WDFY3: variants seen among roughly 807,000 people sequenced by gnomAD.
The protein encoded by WDFY3 is WD repeat and FYVE domain-containing protein 3.
In WDFY3, 66 loss-of-function variants were observed where a neutral mutation model predicts 409.6. That is an observed-to-expected ratio of 0.16 (90% confidence interval 0.13 to 0.20). The LOEUF is 0.20. Among genes scored for constraint, WDFY3 ranks in the 10% least tolerant of loss-of-function variants. WDFY3 has a pLI of 1.00. For synonymous variants in WDFY3, 1,521 were observed against 1,537.1 expected (o/e 0.99, Z 0.25); for missense variants, 3,031 against 4,298.1 (o/e 0.71, Z 8.24).
At chr4:84,801,542 C>T (rs1750565710) in intron 17 of WDFY3, 108 bp downstream of exon 17, 5 of 1,180,678 alleles carry the variant, frequency 4.2e-6, no homozygotes, top group Non-Finnish European at 4.6e-6. Context: ...ATATTTTGCC[C>T]ATAGATAACT....
chr4:84,930,776 A>AG (rs774156060), intron 2 of WDFY3, among the ~76,000 whole-genome samples: 10 of 152,202 alleles, frequency 6.6e-5, no homozygotes, highest in Non-Finnish European at 1.5e-4. Context: ...AATACTACCC[A>AG]GCATTAAAAG....
chr4:84,959,966 G>A (rs1774713795), intron 1 of WDFY3, among the ~76,000 whole-genome samples: 1 of 152,156 alleles, frequency 6.6e-6, no homozygotes, highest in Non-Finnish European at 1.5e-5. Flanking sequence ...CTGGGGATGA[G>A]TTCAAAGATA....
At chr4:84,792,673 G>A (rs1748725705) in intron 21 of WDFY3, among the ~76,000 whole-genome samples, 1 of 152,092 alleles carries the variant, frequency 6.6e-6, no homozygotes, top group Non-Finnish European at 1.5e-5. Context: ...TAGCAGCCTG[G>A]CAAATTACAT....
chr4:84,964,675 A>C (rs1279010562), intron 1 of WDFY3, among the ~76,000 whole-genome samples: 1 of 152,086 alleles, frequency 6.6e-6, no homozygotes, highest in East Asian at 1.9e-4. Flanking sequence ...AGGTGATACA[A>C]ATTTTTTGAA....
chr4:84,696,660 AG>A (rs1241800851), intron 57 of WDFY3, 71 bp downstream of exon 57: 15 of 1,465,554 alleles, frequency 1.0e-5, no homozygotes, highest in Non-Finnish European at 1.2e-5. Flanking sequence ...CTCTGGCTAG[AG>A]GCCCTGTCTT....
chr4:84,866,628 G>C (rs534531168), intron 3 of WDFY3, among the ~76,000 whole-genome samples: 72 of 152,286 alleles, frequency 4.7e-4, no homozygotes, highest in Middle Eastern at 3.4e-3. Context: ...TCCAGATAAG[G>C]GGTAGCTGAT....
chr4:84,893,687 A>G (rs1765226192), intron 3 of WDFY3, among the ~76,000 whole-genome samples: 1 of 152,174 alleles, frequency 6.6e-6, no homozygotes, highest in Non-Finnish European at 1.5e-5. Flanking sequence ...CAGACTTACA[A>G]CTATTGTTTA....
rs751900064 is a variant in WDFY3, at chr4:84,709,281, C to T, written c.8097+12G>A. 6.2e-7 allele frequency: 1 copy of T among 1,605,986 alleles called. No homozygotes were observed. Among genetic ancestry groups the T allele is most frequent in the East Asian group, 2.2e-5 (1 of 44,744 alleles). On this transcript the variant is annotated intron_variant, in intron 52 of 67. Coordinates refer to ENST00000295888, the MANE Select transcript of WDFY3 (RefSeq NM_014991.6). Reference sequence around the variant, plus strand: ...GAACTTCTAAGGAAGCTCATATATTCATTAAACTTACCTCCCATCTCTGAG... The same window carrying T: ...GAACTTCTAAGGAAGCTCATATATTTATTAAACTTACCTCCCATCTCTGAG...
chr4:84,906,848 T>C (rs1382967919), intron 2 of WDFY3, among the ~76,000 whole-genome samples: 1 of 151,976 alleles, frequency 6.6e-6, no homozygotes, highest in Non-Finnish European at 1.5e-5. Flanking sequence ...CAATTCTTCT[T>C]CTCCCAGTGT....
At chr4:84,751,452 A>G (rs1226759844) in intron 36 of WDFY3, 31 bp downstream of exon 36, 1 of 1,601,974 alleles carries the variant, frequency 6.2e-7, no homozygotes, top group East Asian at 2.2e-5. Flanking sequence ...AGTAATGCAA[A>G]AGAGATGTAA....
At chr4:84,954,820 T>A (rs1774039293) in intron 1 of WDFY3, among the ~76,000 whole-genome samples, 2 of 152,170 alleles carry the variant, frequency 1.3e-5, no homozygotes, top group African/African-American at 4.8e-5. Flanking sequence ...TTCCAAACTC[T>A]CTCTAGAATC....
chr4:84,858,612 T>C (rs1760098039), intron 4 of WDFY3, among the ~76,000 whole-genome samples: 3 of 151,652 alleles, frequency 2.0e-5, no homozygotes, highest in Non-Finnish European at 2.9e-5. Context: ...GACTGAACAA[T>C]ACAAGTTTTC....
intron 3 of WDFY3, among the ~76,000 whole-genome samples, chr4:84,861,109 G>A (rs1578860268): frequency 6.6e-6 from 1 of 152,100 alleles, no homozygotes; most frequent in African/African-American, 2.4e-5. Context: ...TACTCAGGAG[G>A]CTGAGGTGGG....
At chr4:84,755,136 T>C (rs1560673499) in intron 34 of WDFY3, 130 bp downstream of exon 34, 2 of 1,338,158 alleles carry the variant, frequency 1.5e-6, no homozygotes, top group South Asian at 1.4e-5. Context: ...TTGTCTAACA[T>C]AAGAGTCTGA....
chr4:84,741,215 T>C (rs1738351158), intron 38 of WDFY3, among the ~76,000 whole-genome samples: 1 of 152,070 alleles, frequency 6.6e-6, no homozygotes, highest in Non-Finnish European at 1.5e-5. Flanking sequence ...TTTAAATCTA[T>C]CTGGGTAGCA....
chr4:84,922,391 C>T (rs1769404440), intron 2 of WDFY3, among the ~76,000 whole-genome samples: 1 of 152,098 alleles, frequency 6.6e-6, no homozygotes, highest in African/African-American at 2.4e-5. Context: ...CCTCCTCTCC[C>T]CACAAAAAGT....
intron 30 of WDFY3, among the ~76,000 whole-genome samples, chr4:84,770,287 C>T (rs902108468): frequency 1.3e-5 from 2 of 152,224 alleles, no homozygotes; most frequent in South Asian, 2.1e-4. Flanking sequence ...CTCAGCCTCC[C>T]AAAGTGCTGG....
In WDFY3 at chr4:84,786,937, C is replaced by T. The variant is rs193012412; in HGVS notation, c.3901+545G>A. ...TCTGAGATTCTTGGTGGAATCAGAA[C>T]AAGGGAGTGGAAGACCATCATTTGC... On this transcript the variant is annotated intron_variant, in intron 23 of 67. Transcript: ENST00000295888. Among the ~76,000 whole-genome samples, 8 of 152,162 alleles carry T rather than the reference C, an allele frequency of 5.3e-5. No homozygotes were observed. The East Asian group carries it at 1.5e-3, about 29-fold the overall frequency.
chr4:84,746,036 G>A (rs191689069), intron 36 of WDFY3, among the ~76,000 whole-genome samples: 41 of 151,808 alleles, frequency 2.7e-4, no homozygotes, highest in African/African-American at 8.9e-4. Flanking sequence ...GGTTGGGCAC[G>A]GTGGCTCATG....
Sources: gnomAD v4.1 joint callset for allele counts (sites outside exome capture counted in the v4.1 genomes callset) on GRCh38, gnomAD v4.1.1 for gene constraint, MANE v1.5 for transcripts, NCBI Gene and HGNC (gene_info 2026-07-23, HGNC 2026-07-21) for gene names.